Variants in GALNT1 observed in about 807,000 individuals in gnomAD.
GALNT1 encodes GalNAc transferase 1.
A neutral mutation model predicts 65.7 loss-of-function variants in GALNT1; 17 were observed. The observed-to-expected ratio is 0.26, with a 90% CI of 0.18 to 0.39. GALNT1 has a LOEUF of 0.39. Ranked by LOEUF, GALNT1 falls within the 10% of genes least tolerant of loss-of-function variation. The probability of loss-of-function intolerance (pLI) is 1.00; values close to 1 mark genes in which losing one functional copy is unlikely to be tolerated. For missense variants in GALNT1, 460 were observed against 672.8 expected (o/e 0.68, Z 3.50); for synonymous variants, 210 against 219.7 (o/e 0.96, Z 0.39).
intron 1 of GALNT1, among the ~76,000 whole-genome samples, chr18:35,618,659 T>G (rs2046814813): frequency 6.6e-6 from 1 of 152,210 alleles, no homozygotes; most frequent in Non-Finnish European, 1.5e-5. Context: ...TTCAGAGTTT[T>G]TTTTTTCCAA....
intron 11 of GALNT1, 53 bp from the exon 12 acceptor site, chr18:35,709,571 C>T: frequency 6.3e-7 from 1 of 1,586,014 alleles, no homozygotes. Context: ...AAAACTGATG[C>T]TTGAGGTGTT....
chr18:35,654,773 A>G lies in GALNT1; in HGVS notation c.111A>G (p.Lys37=). 4 of 1,560,682 alleles carry G rather than the reference A, an allele frequency of 2.6e-6. No homozygotes were observed. Among genetic ancestry groups the G allele is most frequent in the Non-Finnish European group, 3.5e-6 (4 of 1,150,314 alleles). The change falls in exon 2 of 12, where the codon AAA becomes AAG. Residue 37 remains lysine (K), a synonymous_variant. Coordinates refer to ENST00000269195, the MANE Select transcript of GALNT1 (RefSeq NM_020474.4). The part of the protein sequence containing the change: ...YFSECNKCDE[K]KERGLPAGDV... ...GTGAATGCAACAAATGTGATGAAAAAAAGGAGAGAGGACTTCCTGCTGGAG... is the reference window on the plus strand; with the variant it reads ...GTGAATGCAACAAATGTGATGAAAAGAAGGAGAGAGGACTTCCTGCTGGAG...
intron 1 of GALNT1, among the ~76,000 whole-genome samples, chr18:35,616,636 CTAGTGTTT>C (rs1300985611): frequency 1.3e-5 from 2 of 152,048 alleles, no homozygotes; most frequent in African/African-American, 4.8e-5. Context: ...GTAAAACCTT[CTAGTGTTT>C]TAGTGTTGTG....
chr18:35,650,146 G>T (rs149134687), intron 1 of GALNT1, among the ~76,000 whole-genome samples: 2 of 152,220 alleles, frequency 1.3e-5, no homozygotes, highest in African/African-American at 4.8e-5. Context: ...GTGTCCTCCG[G>T]TCTGAGAAAT....
chr18:35,593,558 G>A (rs1210689172), intron 1 of GALNT1, among the ~76,000 whole-genome samples: 2 of 152,034 alleles, frequency 1.3e-5, no homozygotes, highest in South Asian at 2.1e-4. Flanking sequence ...GAGGGGTGAC[G>A]GGGGACAAGG....
At chr18:35,668,166 A>G (rs1016976737) in intron 3 of GALNT1, among the ~76,000 whole-genome samples, 1 of 152,212 alleles carries the variant, frequency 6.6e-6, no homozygotes, top group African/African-American at 2.4e-5. Flanking sequence ...CATTAAAGAG[A>G]ATAAGTAGAA....
intron 1 of GALNT1, among the ~76,000 whole-genome samples, chr18:35,608,260 TA>T (rs565626198): frequency 4.6e-5 from 7 of 152,220 alleles, no homozygotes; most frequent in Admixed American, 2.0e-4. Flanking sequence ...TGTTTGCTAC[TA>T]ATCTGTAGAA....
intron 1 of GALNT1, among the ~76,000 whole-genome samples, chr18:35,640,195 C>T (rs556757702): frequency 1.3e-5 from 2 of 152,144 alleles, no homozygotes; most frequent in Non-Finnish European, 2.9e-5. Flanking sequence ...TTATTAAAAC[C>T]TACCCTTTAA....
intron 3 of GALNT1, among the ~76,000 whole-genome samples, chr18:35,671,588 A>G (rs1431630718): frequency 1.3e-5 from 2 of 152,196 alleles, no homozygotes; most frequent in African/African-American, 4.8e-5. Context: ...GACCTACGAA[A>G]ATGACAATTT....
rs78022068 is a variant in GALNT1 at position 35,692,385 on chromosome 18, A to T, written c.1299+65A>T. ...GTTCTTACTTTTTTATTAAAAAAAA[A>T]TAGGAGTTAGTTAAACTTCCAATAA... On this transcript the variant is annotated intron_variant, in intron 9 of 11. Coordinates refer to ENST00000269195, the MANE Select transcript of GALNT1 (RefSeq NM_020474.4). 3.1e-3 allele frequency: 3,270 copies of T among 1,056,926 alleles called. 78 individuals carry two copies. The African/African-American group carries it at 0.046, about 15-fold the overall frequency. 65.5% of individuals were successfully genotyped at this position (1,056,926 alleles called of 1,614,324 possible).
At chr18:35,700,938 T>C (rs1055760044) in intron 9 of GALNT1, among the ~76,000 whole-genome samples, 1 of 152,208 alleles carries the variant, frequency 6.6e-6, no homozygotes, top group African/African-American at 2.4e-5. Context: ...GCCACCTTTA[T>C]TTACATCTGC....
Position 35,691,077 on chromosome 18 carries a change from A to G in GALNT1, c.1044A>G (p.Lys348=), listed in dbSNP as rs1240981341. ...CACATGTTGGACATGTGTTTCGGAA[A>G]GCTACACCTTACACGTTTCCAGGAG... The part of the protein sequence containing the change: ...TCSHVGHVFR[K]ATPYTFPGGT... The change falls in exon 8 of 12, where the codon AAA becomes AAG. Residue 348 remains lysine, a synonymous_variant. Transcript: ENST00000269195. The G allele has an allele frequency of 1.2e-6, 2 of 1,612,186 alleles. No individual in the cohort carries two copies. The highest frequency in any genetic ancestry group is 1.7e-6 in the Non-Finnish European group (2 of 1,179,380).
rs1250652657 is a variant in GALNT1 at position 35,581,830 on chromosome 18, G to A, written c.-136G>A. Reference sequence around the variant, plus strand: ...GACCGCCGCGGCCGGCCCGGAGGACGCCTGCCGCCGCCGCCGCCGCGCGCC... The same window carrying A: ...GACCGCCGCGGCCGGCCCGGAGGACACCTGCCGCCGCCGCCGCCGCGCGCC... On this transcript the variant is annotated 5_prime_UTR_variant, in exon 1 of 12. Transcript: ENST00000269195. The A allele has an allele frequency of 4.4e-4, 1 of 2,294 alleles. No homozygotes were observed. Among genetic ancestry groups the A allele is most frequent in the Non-Finnish European group, 9.0e-4 (1 of 1,106 alleles). 0.1% of individuals were successfully genotyped at this position (2,294 alleles called of 1,614,324 possible).
In GALNT1 at chr18:35,704,311, C is replaced by CTT. The variant is rs111370047; in HGVS notation, c.1533+683_1533+684dup. ...GCATTTAGTGCCACTAAACAGATGACTTTTTTTTTTTTTTTTGAGGCAGGG... is the reference window on the plus strand; with the variant it reads ...GCATTTAGTGCCACTAAACAGATGACTTTTTTTTTTTTTTTTTTGAGGCAGGG... On this transcript the variant is annotated intron_variant, in intron 11 of 11. Coordinates refer to ENST00000269195, the MANE Select transcript of GALNT1 (RefSeq NM_020474.4). Among the ~76,000 whole-genome samples, 148 of 141,080 alleles carry CTT rather than the reference C, an allele frequency of 1.0e-3. 2 individuals carry two copies. The highest frequency in any genetic ancestry group is 3.1e-3 in the African/African-American group (121 of 38,702). 92.6% of individuals were successfully genotyped at this position (141,080 alleles called of 152,430 possible). A position where few individuals can be genotyped will look rare whatever the true frequency, so the allele number is the denominator to read the frequency against.
chr18:35,653,406 A>G (rs984049981), intron 1 of GALNT1, among the ~76,000 whole-genome samples: 5 of 152,222 alleles, frequency 3.3e-5, no homozygotes, highest in African/African-American at 4.8e-5. Flanking sequence ...AGGTAAGTGC[A>G]TCTCTGTTGG....
intron 3 of GALNT1, among the ~76,000 whole-genome samples, chr18:35,665,643 A>G (rs988605815): frequency 6.6e-6 from 1 of 152,222 alleles, no homozygotes; most frequent in African/African-American, 2.4e-5. Flanking sequence ...GGTCACAATC[A>G]AAAGGTTATT....
In GALNT1 at chr18:35,676,559, C is replaced by T. The variant is rs2047713457; in HGVS notation, c.315-1032C>T. On this transcript the variant is annotated intron_variant, in intron 3 of 11. Transcript: ENST00000269195. ...GTCTTGCTTGTGTTTTCTTCATTTC[C>T]TCCCCATCCTTCCCTTTTCCCACTC... 3.9e-5 allele frequency among the ~76,000 whole-genome samples: 6 copies of T among 152,282 alleles called. No individual in the cohort carries two copies. In the South Asian group the frequency reaches 1.2e-3, roughly 32 times the overall value.
chr18:35,614,181 A>G (rs2046753691), intron 1 of GALNT1, among the ~76,000 whole-genome samples: 1 of 152,204 alleles, frequency 6.6e-6, no homozygotes, highest in African/African-American at 2.4e-5. Context: ...AAATACGGCT[A>G]AAGAGCAAAA....
At chr18:35,678,023 G>T (rs747889646) in intron 4 of GALNT1, among the ~76,000 whole-genome samples, 1 of 151,924 alleles carries the variant, frequency 6.6e-6, no homozygotes, top group Non-Finnish European at 1.5e-5. Context: ...AAACTATTAT[G>T]CAGGACAGTG....
Sources: gnomAD v4.1 joint callset for allele counts (sites outside exome capture counted in the v4.1 genomes callset) on GRCh38, gnomAD v4.1.1 for gene constraint, MANE v1.5 for transcripts, NCBI Gene and HGNC (gene_info 2026-07-23, HGNC 2026-07-21) for gene names.